IGF2BP1: variants seen among roughly 807,000 people sequenced by gnomAD.
IGF2BP1 encodes the protein insulin like growth factor 2 mRNA binding protein 1.
Under a neutral mutation model 74.9 loss-of-function variants are expected in IGF2BP1, and 11 were observed. The ratio of observed to expected loss-of-function variants is 0.15; its 90% CI spans 0.09 to 0.24. The LOEUF (loss-of-function observed/expected upper bound fraction) is 0.24, where lower values mean the gene tolerates loss of function less well. Ranked by LOEUF, IGF2BP1 falls within the 10% of genes least tolerant of loss-of-function variation. IGF2BP1 has a pLI of 1.00. For synonymous variants in IGF2BP1, 287 were observed against 281.8 expected, an observed-to-expected ratio of 1.02 and a Z score of -0.18; for missense variants, 440 against 757.4, an observed-to-expected ratio of 0.58 and a Z score of 4.92.
At position 49,054,125 on chromosome 17, in the gene IGF2BP1, A is replaced by T. The variant is rs2042198976; in HGVS notation, c.*4681A>T. Reference sequence around the variant, plus strand: ...AGGCTTCTCTATCGGGGTACGGGACAGGGAGGAGGCCTCATGTCTGAAGGG... The same window carrying T: ...AGGCTTCTCTATCGGGGTACGGGACTGGGAGGAGGCCTCATGTCTGAAGGG... On this transcript the variant is annotated 3_prime_UTR_variant, in exon 15 of 15. Transcript: ENST00000290341. 6.5e-6 allele frequency: 1 copy of T among 152,672 alleles called. No individual in the cohort carries two copies. 9.5% of individuals were successfully genotyped at this position (152,672 alleles called of 1,614,324 possible). A position where few individuals can be genotyped will look rare whatever the true frequency, so the allele number is the denominator to read the frequency against.
intron 4 of IGF2BP1, 95 bp downstream of exon 4, chr17:49,026,612 C>G: frequency 1.5e-6 from 1 of 685,494 alleles, no homozygotes; most frequent in Non-Finnish European, 2.4e-6. Context: ...TCTTTTTCTC[C>G]CTTCCTTCCT....
chr17:48,998,009 C>T (rs1318889048), intron 1 of IGF2BP1, 89 bp downstream of exon 1: 6 of 1,466,224 alleles, frequency 4.1e-6, no homozygotes, highest in South Asian at 2.5e-5. Context: ...CCGCCAACTC[C>T]TCTCTTCCCG....
intron 4 of IGF2BP1, among the ~76,000 whole-genome samples, chr17:49,029,827 A>G (rs1181445521): frequency 6.8e-6 from 1 of 147,432 alleles, no homozygotes; most frequent in East Asian, 2.0e-4. Context: ...TTTTGTAGAG[A>G]CGGGGTCTCC....
intron 2 of IGF2BP1, among the ~76,000 whole-genome samples, chr17:49,019,928 ATATATATATATATATATATATT>A (rs1379563016): frequency 0.011 from 672 of 63,480 alleles, 14 homozygotes; most frequent in African/African-American, 0.037. Flanking sequence ...ATATATATAT[ATATATATATATATATATATATT>A]TATATACACA....
chr17:49,026,434 G>A, intron 3 of IGF2BP1, 32 bp from the exon 4 acceptor site: 9 of 1,608,584 alleles, frequency 5.6e-6, no homozygotes, highest in Non-Finnish European at 7.7e-6. Flanking sequence ...GGGACTCAGA[G>A]TTAAGTGTAC....
In IGF2BP1 at chr17:49,051,842, T is replaced by G. The variant is rs1220704403; in HGVS notation, c.*2398T>G. 1 of 152,146 alleles carries G rather than the reference T, an allele frequency of 6.6e-6. No homozygotes were observed. Among genetic ancestry groups the G allele is most frequent in the East Asian group, 1.9e-4 (1 of 5,204 alleles). 9.4% of individuals were successfully genotyped at this position (152,146 alleles called of 1,614,324 possible). A position where few individuals can be genotyped will look rare whatever the true frequency, so the allele number is the denominator to read the frequency against. ...CATTGCAATGCTTTTCATTTTTTTT[T>G]TTTGTTATTGTTTCATTTCAGTTCC... On this transcript the variant is annotated 3_prime_UTR_variant, in exon 15 of 15. Coordinates refer to ENST00000290341, the MANE Select transcript of IGF2BP1 (RefSeq NM_006546.4).
intron 2 of IGF2BP1, among the ~76,000 whole-genome samples, chr17:49,011,281 CAGTT>C (rs1377262883): frequency 2.6e-5 from 4 of 151,654 alleles, no homozygotes; most frequent in Non-Finnish European, 2.9e-5. Flanking sequence ...ATGAGGCTCT[CAGTT>C]GGTAGGGCAG....
chr17:49,045,391 C>T (rs2042098645), intron 12 of IGF2BP1, among the ~76,000 whole-genome samples: 1 of 152,194 alleles, frequency 6.6e-6, no homozygotes, highest in Non-Finnish European at 1.5e-5. Flanking sequence ...CCCACTAAAT[C>T]CTAAGGTTCT....
intron 9 of IGF2BP1, 109 bp downstream of exon 9, chr17:49,042,486 T>C: frequency 8.5e-7 from 1 of 1,178,184 alleles, no homozygotes; most frequent in Non-Finnish European, 1.2e-6. Flanking sequence ...GCCTTGGAGC[T>C]TTAGTTGATG....
intron 2 of IGF2BP1, among the ~76,000 whole-genome samples, chr17:49,000,663 A>T (rs546714730): frequency 1.2e-4 from 18 of 152,246 alleles, no homozygotes; most frequent in Non-Finnish European, 2.5e-4. Flanking sequence ...ATCCAGAATA[A>T]GTGGAATTCT....
chr17:49,026,449 C>T lies in IGF2BP1; in HGVS notation c.286-17C>T, dbSNP rs775978892. On this transcript the variant is annotated splice_polypyrimidine_tract_variant and intron_variant, in intron 3 of 14. Coordinates refer to ENST00000290341, the MANE Select transcript of IGF2BP1 (RefSeq NM_006546.4). ...GGGACTCAGAGTTAAGTGTACTTCC[C>T]TTCTCCATTCTCCTAGGTACTGGAC... is the stretch of plus-strand genomic sequence containing the variant. 16 of 1,613,132 alleles carry T rather than the reference C, an allele frequency of 9.9e-6. No individual in the cohort carries two copies. The highest frequency in any genetic ancestry group is 1.3e-5 in the African/African-American group (1 of 74,900).
intron 2 of IGF2BP1, among the ~76,000 whole-genome samples, chr17:49,001,823 C>A (rs2041491357): frequency 6.6e-6 from 1 of 152,074 alleles, no homozygotes; most frequent in African/African-American, 2.4e-5. Context: ...ATGTTTTATT[C>A]TGAGAGACTT....
In IGF2BP1 at chr17:49,050,794, A is replaced by G. The variant is rs1350307331; in HGVS notation, c.*1350A>G. ...TTTATTAATTTACCAGGCTTAATTA[A>G]GATCCCATGGAGTGTTTAGCCCTTG... On this transcript the variant is annotated 3_prime_UTR_variant, in exon 15 of 15. Coordinates refer to ENST00000290341, the MANE Select transcript of IGF2BP1 (RefSeq NM_006546.4). The G allele has an allele frequency of 6.6e-6, 1 of 152,658 alleles. No homozygotes were observed. Among genetic ancestry groups the G allele is most frequent in the Non-Finnish European group, 1.5e-5 (1 of 68,040 alleles). 9.5% of individuals were successfully genotyped at this position (152,658 alleles called of 1,614,324 possible). A position where few individuals can be genotyped will look rare whatever the true frequency, so the allele number is the denominator to read the frequency against.
Position 48,997,652 on chromosome 17 carries a change from G to C in IGF2BP1, c.-94G>C. On this transcript the variant is annotated 5_prime_UTR_variant, in exon 1 of 15. Transcript: ENST00000290341. The surrounding 1 kb of genome is among the most constrained non-coding windows in gnomAD (Gnocchi z 4.8). ...GCAAAGAAAGTTTGCGGCTCCTGCC[G>C]CCGGCCTCTCCGCCTCTTGGCCTAG... is the stretch of plus-strand genomic sequence containing the variant. The C allele has an allele frequency of 7.3e-7, 1 of 1,363,846 alleles. No homozygotes were observed. Among genetic ancestry groups the C allele is most frequent in the South Asian group, 1.3e-5 (1 of 74,168 alleles). The allele number at this position is 1,363,846 out of a possible 1,614,324, so 84.5% of individuals were successfully genotyped here.
In IGF2BP1 at chr17:49,041,393, C is replaced by T; in HGVS notation, c.834C>T (p.Pro278=). 6.2e-7 allele frequency: 1 copy of T among 1,613,962 alleles called. No homozygotes were observed. Among genetic ancestry groups the T allele is most frequent in the Non-Finnish European group, 8.5e-7 (1 of 1,179,992 alleles). The part of the protein sequence containing the change: ...AKDTKTADEV[P]LKILAHNNFV... ...TCTTCCCAAGGGCTGACGAGGTTCC[C>T]CTGAAGATCCTGGCCCATAATAACT... The change falls in exon 8 of 15, where the codon CCC becomes CCT. Residue 278 remains proline (P), a synonymous_variant. Coordinates refer to ENST00000290341, the MANE Select transcript of IGF2BP1 (RefSeq NM_006546.4).
intron 5 of IGF2BP1, among the ~76,000 whole-genome samples, chr17:49,032,626 C>T (rs922140221): frequency 6.6e-6 from 1 of 152,178 alleles, no homozygotes; most frequent in African/African-American, 2.4e-5. Flanking sequence ...TTTCTTGCTT[C>T]TTAACATGCC....
chr17:49,002,651 CAATT>C (rs1386046530), intron 2 of IGF2BP1, among the ~76,000 whole-genome samples: 1 of 148,668 alleles, frequency 6.7e-6, no homozygotes, highest in Non-Finnish European at 1.5e-5. Flanking sequence ...AAAGTAGAAA[CAATT>C]GATTACTCTT....
chr17:49,014,697 G>A, intron 2 of IGF2BP1: 2 of 843,670 alleles, frequency 2.4e-6, no homozygotes, highest in Non-Finnish European at 2.9e-6. Context: ...GATCCCTGAG[G>A]GCTACTGCGC....
intron 2 of IGF2BP1, chr17:49,014,683 C>T (rs1380391233): frequency 9.4e-6 from 7 of 741,586 alleles, no homozygotes; most frequent in Non-Finnish European, 1.2e-5. Context: ...TAGGGGGAGA[C>T]GCGGATCCCT....
Sources: allele counts gnomAD v4.1 joint callset (sites outside exome capture counted in the v4.1 genomes callset), GRCh38; gene constraint gnomAD v4.1.1; non-coding constraint Gnocchi (gnomAD v3.1); transcripts MANE v1.5; gene names NCBI Gene and HGNC (gene_info 2026-07-23, HGNC 2026-07-21).